PEX7: variants seen among roughly 807,000 people sequenced by gnomAD.
PEX7 encodes the protein peroxisomal biogenesis factor 7.
A neutral mutation model predicts 47.5 loss-of-function variants in PEX7; 34 were observed. The observed-to-expected ratio is 0.72, with a 90% CI of 0.54 to 0.95. The LOEUF (loss-of-function observed/expected upper bound fraction) is 0.95. Ranked by LOEUF, PEX7 falls within the 40% of genes least tolerant of loss-of-function variation. The pLI is 0.00. For synonymous variants in PEX7, 141 were observed against 148.8 expected, an observed-to-expected ratio of 0.95 and a Z score of 0.38; for missense variants, 394 against 400.3, an observed-to-expected ratio of 0.98 and a Z score of 0.13.
Position 136,878,440 on chromosome 6 carries a change from T to C in PEX7, c.803+6187T>C, listed in dbSNP as rs576356568. 2.8e-4 allele frequency among the ~76,000 whole-genome samples: 43 copies of C among 152,250 alleles called. No homozygotes were observed. The South Asian group carries it at 5.0e-3, about 18-fold the overall frequency. On this transcript the variant is annotated intron_variant, in intron 8 of 9. Transcript: ENST00000318471. ...CATTCAGTATGATAGTGGCTGTGGGTTTGTCATAAGTAGCTCTTATTATTT... is the reference window on the plus strand; with the variant it reads ...CATTCAGTATGATAGTGGCTGTGGGCTTGTCATAAGTAGCTCTTATTATTT...
intron 6 of PEX7, among the ~76,000 whole-genome samples, chr6:136,867,611 A>G (rs962739507): frequency 2.6e-5 from 4 of 152,048 alleles, no homozygotes; most frequent in African/African-American, 9.7e-5. Context: ...TGTTATTATG[A>G]AGAGTCAAAA....
At chr6:136,828,596 A>G (rs946133750) in intron 3 of PEX7, among the ~76,000 whole-genome samples, 5 of 152,150 alleles carry the variant, frequency 3.3e-5, no homozygotes, top group Admixed American at 2.6e-4. Flanking sequence ...TTGTCATTTC[A>G]TTGTCCTGTC....
At chr6:136,848,574 G>T (rs1359939621) in intron 5 of PEX7, among the ~76,000 whole-genome samples, 1 of 152,134 alleles carries the variant, frequency 6.6e-6, no homozygotes, top group East Asian at 1.9e-4. Context: ...TGTTCAATTT[G>T]GTCAAAGGCC....
chr6:136,909,431 C>G (rs1261127025), intron 9 of PEX7, among the ~76,000 whole-genome samples: 2 of 152,182 alleles, frequency 1.3e-5, no homozygotes, highest in Non-Finnish European at 2.9e-5. Context: ...CTCTACTCAA[C>G]AAAATCTTGC....
intron 6 of PEX7, among the ~76,000 whole-genome samples, chr6:136,868,347 T>C (rs987905331): frequency 6.6e-6 from 1 of 152,186 alleles, no homozygotes; most frequent in African/African-American, 2.4e-5. Context: ...GTATGCTTTG[T>C]TTTTTTCCCA....
At chr6:136,894,736 A>G (rs1181535244) in intron 8 of PEX7, among the ~76,000 whole-genome samples, 1 of 152,196 alleles carries the variant, frequency 6.6e-6, no homozygotes, top group Non-Finnish European at 1.5e-5. Context: ...TTAAATAAAA[A>G]ATGTTCCTAG....
At chr6:136,831,437 G>A (rs565739376) in intron 3 of PEX7, among the ~76,000 whole-genome samples, 46 of 152,240 alleles carry the variant, frequency 3.0e-4, no homozygotes, top group South Asian at 6.2e-4. Context: ...TTTGGGTGGG[G>A]ATATAAAGCC....
At chr6:136,840,456 G>T (rs1226286435) in intron 3 of PEX7, among the ~76,000 whole-genome samples, 1 of 151,920 alleles carries the variant, frequency 6.6e-6, no homozygotes, top group Non-Finnish European at 1.5e-5. Flanking sequence ...CCTTTGGGTA[G>T]TAAGAATCAG....
At chr6:136,833,399 C>A (rs923682013) in intron 3 of PEX7, among the ~76,000 whole-genome samples, 1 of 152,136 alleles carries the variant, frequency 6.6e-6, no homozygotes, top group Non-Finnish European at 1.5e-5. Context: ...TATCAGGTGC[C>A]AATAAAAAAT....
intron 8 of PEX7, among the ~76,000 whole-genome samples, chr6:136,889,050 C>T (rs1273991445): frequency 6.6e-6 from 1 of 152,112 alleles, no homozygotes; most frequent in Non-Finnish European, 1.5e-5. Flanking sequence ...TATACTGACA[C>T]ATCTCTAAGC....
chr6:136,858,474 A>G (rs1400680753), intron 5 of PEX7, among the ~76,000 whole-genome samples: 2 of 152,232 alleles, frequency 1.3e-5, no homozygotes, highest in African/African-American at 2.4e-5. Flanking sequence ...CGATTCTAGA[A>G]TCTGGCTAAT....
intron 3 of PEX7, among the ~76,000 whole-genome samples, chr6:136,835,188 G>T (rs1243443394): frequency 6.6e-6 from 1 of 152,034 alleles, no homozygotes; most frequent in Non-Finnish European, 1.5e-5. Context: ...GCCTCCCAAA[G>T]TGTTGGGATT....
At chr6:136,882,061 G>A (rs1161533968) in intron 8 of PEX7, among the ~76,000 whole-genome samples, 1 of 152,000 alleles carries the variant, frequency 6.6e-6, no homozygotes, top group African/African-American at 2.4e-5. Flanking sequence ...GTGTAATATG[G>A]CAACTAGTGA....
At chr6:136,912,718 T>C (rs911098458) in intron 9 of PEX7, among the ~76,000 whole-genome samples, 3 of 152,230 alleles carry the variant, frequency 2.0e-5, no homozygotes, top group African/African-American at 7.2e-5. Context: ...ACATAAATTT[T>C]AAAAATTGCC....
At chr6:136,891,396 G>A (rs1391128527) in intron 8 of PEX7, among the ~76,000 whole-genome samples, 1 of 152,156 alleles carries the variant, frequency 6.6e-6, no homozygotes, top group Non-Finnish European at 1.5e-5. Context: ...TGGAGTTTCT[G>A]GGTATTAGTG....
intron 5 of PEX7, among the ~76,000 whole-genome samples, chr6:136,862,241 A>T (rs771408285): frequency 1.2e-4 from 18 of 148,398 alleles, no homozygotes; most frequent in Non-Finnish European, 2.1e-4. Context: ...TAATTTATTT[A>T]TTTATTTTGT....
At chr6:136,898,729 T>C (rs1006054325) in intron 9 of PEX7, among the ~76,000 whole-genome samples, 1 of 152,194 alleles carries the variant, frequency 6.6e-6, no homozygotes, top group Non-Finnish European at 1.5e-5. Context: ...GCTATTTAAG[T>C]TAATAAACAA....
intron 9 of PEX7, among the ~76,000 whole-genome samples, chr6:136,907,686 T>G (rs1775868161): frequency 6.6e-6 from 1 of 152,152 alleles, no homozygotes; most frequent in African/African-American, 2.4e-5. Flanking sequence ...AAGCTCCTAA[T>G]GAGTCAGTTG....
intron 5 of PEX7, among the ~76,000 whole-genome samples, chr6:136,853,002 T>C (rs1317515309): frequency 7.3e-6 from 1 of 136,082 alleles, no homozygotes; most frequent in Non-Finnish European, 1.6e-5. Context: ...TCAGAAATAA[T>C]GCCACATATC....
Sources: gnomAD v4.1 joint callset for allele counts (sites outside exome capture counted in the v4.1 genomes callset) on GRCh38, gnomAD v4.1.1 for gene constraint, MANE v1.5 for transcripts, NCBI Gene and HGNC (gene_info 2026-07-23, HGNC 2026-07-21) for gene names.